Variants in ZNF749 observed in about 807,000 individuals in gnomAD.
The protein encoded by ZNF749 is zinc finger protein 749.
Under a neutral mutation model 7.3 loss-of-function variants are expected in ZNF749, and 8 were observed. The observed-to-expected ratio is 1.10, with a 90% confidence interval of 0.64 to 1.98. The LOEUF (loss-of-function observed/expected upper bound fraction) is 1.98. ZNF749 is among the 30% of genes most tolerant of loss of function. ZNF749 has a pLI of 0.00. For missense variants in ZNF749, 898 were observed against 932.4 expected (o/e 0.96, Z 0.48); for synonymous variants, 310 against 322.4 (o/e 0.96, Z 0.41).
In ZNF749 at chr19:57,445,457, A is replaced by G. The variant is rs1360885402; in HGVS notation, c.2309A>G (p.Gln770Arg). ...TACAACTCCAGCCTCATTAAACATC[A>G]GATAATTCATACTGGAAAAAGGCCT... ...FKYNSSLIKHQIIHTGKRP is the reference protein window; with the variant it reads ...FKYNSSLIKHRIIHTGKRP Residue 770 changes from glutamine to arginine, a missense_variant, in exon 3 of 3, where the codon CAG (glutamine) becomes CGG (arginine). Transcript: ENST00000334181. 1.2e-6 allele frequency: 2 copies of G among 1,611,574 alleles called. No individual in the cohort carries two copies. Among genetic ancestry groups the G allele is most frequent in the East Asian group, 2.2e-5 (1 of 44,852 alleles).
rs2089033597 is a variant in ZNF749 at position 57,444,418 on chromosome 19, A to G, written c.1270A>G (p.Asn424Asp). 1.9e-6 allele frequency: 3 copies of G among 1,613,910 alleles called. No individual in the cohort carries two copies. The highest frequency in any genetic ancestry group is 2.5e-6 in the Non-Finnish European group (3 of 1,179,930). Residue 424 changes from asparagine to aspartate, a missense_variant, in exon 3 of 3, where the codon AAT becomes GAT. Asn to Asp is a conservative substitution (Grantham distance 23). Coordinates refer to ENST00000334181, the MANE Select transcript of ZNF749 (RefSeq NM_001023561.4). ...TGGGAAAGCCTTTAGCCTCAAACATAATGTTGTTCAGCATCTGAAAATTCA... is the reference window on the plus strand; with the variant it reads ...TGGGAAAGCCTTTAGCCTCAAACATGATGTTGTTCAGCATCTGAAAATTCA... The part of the protein sequence containing the change: ...ECGKAFSLKH[N>D]VVQHLKIHTG...
At chr19:57,430,128 G>A in the ZNF749 span, among the ~76,000 whole-genome samples, 2 of 152,282 alleles carry the variant, frequency 1.3e-5, no homozygotes, top group Middle Eastern at 6.8e-3. Context: ...GCATGTCTTA[G>A]TCTGTTTTGT....
At position 57,439,301 on chromosome 19, in the gene ZNF749, A is replaced by T. The variant is rs1280308779; in HGVS notation, c.16-2584A>T. On this transcript the variant is annotated intron_variant, in intron 1 of 2. Transcript: ENST00000334181. This position sits in a 1 kb window ranked among gnomAD's most constrained non-coding sequence, Gnocchi z 4.3. Reference sequence around the variant, plus strand: ...TGATCTAGAGCTGCCTGTATTTTATAACGTAGAGAGCAAGGAAGCTTGGGA... The same window carrying T: ...TGATCTAGAGCTGCCTGTATTTTATTACGTAGAGAGCAAGGAAGCTTGGGA... Among the ~76,000 whole-genome samples the T allele has an allele frequency of 6.6e-6, 1 of 152,052 alleles. No individual in the cohort carries two copies. Among genetic ancestry groups the T allele is most frequent in the Non-Finnish European group, 1.5e-5 (1 of 68,010 alleles).
At position 57,436,255 on chromosome 19, in the gene ZNF749, C is replaced by T. The variant is rs1218896437; in HGVS notation, c.15+662C>T. Among the ~76,000 whole-genome samples the T allele has an allele frequency of 1.3e-5, 2 of 152,136 alleles. No homozygotes were observed. The highest frequency in any genetic ancestry group is 6.6e-5 in the Admixed American group (1 of 15,258). ...AGATCCTGGGTTGGATTTTGGGCGA[C>T]ATCACATGGGTAGGTGGACGTAATT... On this transcript the variant is annotated intron_variant, in intron 1 of 2. Coordinates refer to ENST00000334181, the MANE Select transcript of ZNF749 (RefSeq NM_001023561.4). The surrounding 1 kb of genome is among the most constrained non-coding windows in gnomAD (Gnocchi z 4.0).
Position 57,439,323 on chromosome 19 carries a change from G to A in ZNF749, c.16-2562G>A, listed in dbSNP as rs2088965707. ...TATAACGTAGAGAGCAAGGAAGCTT[G>A]GGAGCTGAGATGGAAGAGGGGGTCA... On this transcript the variant is annotated intron_variant, in intron 1 of 2. Transcript: ENST00000334181. This position sits in a 1 kb window ranked among gnomAD's most constrained non-coding sequence, Gnocchi z 4.3. Among the ~76,000 whole-genome samples, 1 of 152,158 alleles carries A rather than the reference G, an allele frequency of 6.6e-6. No individual in the cohort carries two copies. The highest frequency in any genetic ancestry group is 6.5e-5 in the Admixed American group (1 of 15,280).
rs1286757942 is a variant in ZNF749, at chr19:57,436,288, G to C, written c.15+695G>C. On this transcript the variant is annotated intron_variant, in intron 1 of 2. Coordinates refer to ENST00000334181, the MANE Select transcript of ZNF749 (RefSeq NM_001023561.4). The surrounding 1 kb of genome is among the most constrained non-coding windows in gnomAD (Gnocchi z 4.0). The stretch of plus-strand genomic sequence containing the variant: ...GGGTAGGTGGACGTAATTTCCAAAG[G>C]TGAGGGAAGGTAGCTGGCCTGGAGC... 1.3e-5 allele frequency among the ~76,000 whole-genome samples: 2 copies of C among 152,210 alleles called. No homozygotes were observed.
At position 57,445,554 on chromosome 19, in the gene ZNF749, A is replaced by G. The variant is rs1055998122; in HGVS notation, c.*69A>G. 2 of 1,526,028 alleles carry G rather than the reference A, an allele frequency of 1.3e-6. No individual in the cohort carries two copies. The highest frequency in any genetic ancestry group is 2.2e-5 in the Admixed American group (1 of 44,698). 94.5% of individuals were successfully genotyped at this position (1,526,028 alleles called of 1,614,324 possible). A position where few individuals can be genotyped will look rare whatever the true frequency, so the allele number is the denominator to read the frequency against. On this transcript the variant is annotated 3_prime_UTR_variant, in exon 3 of 3. Transcript: ENST00000334181. ...GCACCAAAAGGTTCACATCGGACCA[A>G]GAACCTATTAATATATGTAAATCTA...
upstream of ZNF749, among the ~76,000 whole-genome samples, chr19:57,432,323 C>G (rs2088902765): frequency 6.7e-6 from 1 of 149,824 alleles, no homozygotes; most frequent in Non-Finnish European, 1.5e-5. Context: ...CACCTATAAT[C>G]CTAGCACTTT....
chr19:57,430,554 T>C (rs912166496), upstream of ZNF749, among the ~76,000 whole-genome samples: 9 of 152,170 alleles, frequency 5.9e-5, no homozygotes, highest in Non-Finnish European at 1.2e-4. Flanking sequence ...CTAGTCTTAT[T>C]TGGGTTTAGA....
the ZNF749 span, chr19:57,428,705 G>A: frequency 3.9e-5 from 6 of 152,138 alleles, no homozygotes; most frequent in African/African-American, 1.4e-4. Context: ...GTTTGAATCT[G>A]AGCGTTTAAG....
rs137992836 is a variant in ZNF749 at position 57,444,763 on chromosome 19, A to G, written c.1615A>G (p.Lys539Glu). 2.3e-4 allele frequency: 376 copies of G among 1,613,826 alleles called. No individual in the cohort carries two copies. The highest frequency in any genetic ancestry group is 3.1e-4 in the Non-Finnish European group (364 of 1,179,888). The change falls in exon 3 of 3, where the codon AAA becomes GAA. Residue 539 changes from lysine (K) to glutamate (E), a missense_variant. By Grantham distance (56) the Lys-to-Glu change is moderately conservative (BLOSUM62 1). Transcript: ENST00000334181. ...HEKIHTDAFS[K>E]RSDLIQHKRI... is the part of the protein sequence containing the mutation. ...GAAAATCCACACTGATGCATTTTCA[A>G]AAAGGTCTGACCTCATTCAACACAA...
At position 57,444,066 on chromosome 19, in the gene ZNF749, C is replaced by A; in HGVS notation, c.918C>A (p.Ala306=). The A allele has an allele frequency of 6.2e-7, 1 of 1,613,984 alleles. No homozygotes were observed. Among genetic ancestry groups the A allele is most frequent in the Non-Finnish European group, 8.5e-7 (1 of 1,179,912 alleles). ...ATGAATGCACCCAGTGTGGGAAGGCCTTTCTTACACAGGCTCATCTGGTTG... is the reference window on the plus strand; with the variant it reads ...ATGAATGCACCCAGTGTGGGAAGGCATTTCTTACACAGGCTCATCTGGTTG... ...TPYECTQCGK[A]FLTQAHLVGH... is the part of the protein sequence containing the mutation. Residue 306 remains alanine (A), a synonymous_variant, in exon 3 of 3, where the codon GCC becomes GCA. Transcript: ENST00000334181.
At chr19:57,429,667 T>G in the ZNF749 span, among the ~76,000 whole-genome samples, 11 of 152,050 alleles carry the variant, frequency 7.2e-5, no homozygotes, top group African/African-American at 2.7e-4. This position sits in a 1 kb window ranked among gnomAD's most constrained non-coding sequence, Gnocchi z 4.2. Flanking sequence ...TTTTATTTTT[T>G]GAGGCAGGTC....
rs752672245 is a variant in ZNF749, at chr19:57,442,558, G to A, written c.142+547G>A. On this transcript the variant is annotated intron_variant, in intron 2 of 2. Transcript: ENST00000334181. The surrounding 1 kb of genome is among the most constrained non-coding windows in gnomAD (Gnocchi z 6.6). ...CCTTTCCCGTAGCTGGACTTATGCC[G>A]CAGCTAGATAGTTGCTCACCTTGAG... is the stretch of plus-strand genomic sequence containing the variant. Among the ~76,000 whole-genome samples, 30 of 152,082 alleles carry A rather than the reference G, an allele frequency of 2.0e-4. No homozygotes were observed. The highest frequency in any genetic ancestry group is 3.9e-4 in the East Asian group (2 of 5,194).
In ZNF749 at chr19:57,442,694, T is replaced by C. The variant is rs1289889135; in HGVS notation, c.143-597T>C. Among the ~76,000 whole-genome samples the C allele has an allele frequency of 6.6e-6, 1 of 152,164 alleles. No individual in the cohort carries two copies. Among genetic ancestry groups the C allele is most frequent in the Non-Finnish European group, 1.5e-5 (1 of 68,022 alleles). Reference sequence around the variant, plus strand: ...GTGAAAGCTGGGAAAGGATGTGATATCAAGGCTGGGTTCAAATCACATTGA... The same window carrying C: ...GTGAAAGCTGGGAAAGGATGTGATACCAAGGCTGGGTTCAAATCACATTGA... On this transcript the variant is annotated intron_variant, in intron 2 of 2. Coordinates refer to ENST00000334181, the MANE Select transcript of ZNF749 (RefSeq NM_001023561.4). This position sits in a 1 kb window ranked among gnomAD's most constrained non-coding sequence, Gnocchi z 6.6.
At chr19:57,441,645 G>C (rs1048114334) in intron 1 of ZNF749, among the ~76,000 whole-genome samples, 1 of 152,102 alleles carries the variant, frequency 6.6e-6, no homozygotes, top group South Asian at 2.1e-4. Flanking sequence ...CAGCCTTAGG[G>C]CTAAGAGATT....
chr19:57,430,471 T>C (rs1053004328), upstream of ZNF749, among the ~76,000 whole-genome samples: 3 of 152,204 alleles, frequency 2.0e-5, no homozygotes, highest in South Asian at 6.2e-4. Flanking sequence ...GTTTAAACCA[T>C]AACATGGTGT....
rs765921454 is a variant in ZNF749, at chr19:57,444,484, G to C, written c.1336G>C (p.Ala446Pro). 6.2e-7 allele frequency: 1 copy of C among 1,613,826 alleles called. No homozygotes were observed. The highest frequency in any genetic ancestry group is 8.5e-7 in the Non-Finnish European group (1 of 1,179,828). Residue 446 changes from alanine to proline, a missense_variant, in exon 3 of 3, where the codon GCC becomes CCC. Physicochemically the swap from Ala to Pro is conservative, Grantham distance 27 (BLOSUM62 -1). Transcript: ENST00000334181. ...RPYECTECEK[A>P]FVRKSHLVQH... is the part of the protein sequence containing the mutation. ...TTATGAGTGCACTGAATGTGAGAAG[G>C]CCTTTGTTAGAAAGTCCCACCTAGT...
rs773997616 is a variant in ZNF749 at position 57,444,387 on chromosome 19, C to T, written c.1239C>T (p.Ser413=). The change falls in exon 3 of 3, where the codon AGC becomes AGT. Residue 413 remains serine (S), a synonymous_variant. Transcript: ENST00000334181. ...VHAGKRLYKC[S]ECGKAFSLKH... ...CTGGCAAAAGGCTTTATAAGTGTAG[C>T]GAATGTGGGAAAGCCTTTAGCCTCA... is the stretch of plus-strand genomic sequence containing the variant. The T allele has an allele frequency of 6.8e-6, 11 of 1,613,874 alleles. No homozygotes were observed. The highest frequency in any genetic ancestry group is 2.2e-5 in the East Asian group (1 of 44,876).
Sources: gnomAD v4.1 joint callset for allele counts (sites outside exome capture counted in the v4.1 genomes callset) on GRCh38, gnomAD v4.1.1 for gene constraint, Gnocchi (gnomAD v3.1) non-coding constraint, MANE v1.5 for transcripts, NCBI Gene and HGNC (gene_info 2026-07-23, HGNC 2026-07-21) for gene names.